The following EBLN2 variants were observed in gnomAD, a reference collection of about 807,000 sequenced individuals.
The protein encoded by EBLN2 is endogenous Bornavirus like nucleoprotein 2, also known as endogenous Bornavirus-like nucleoprotein 2.
For missense variants in EBLN2, 397 were observed against 324.2 expected, an observed-to-expected ratio of 1.22 and a Z score of -1.72; for synonymous variants, 131 against 113.6, an observed-to-expected ratio of 1.15 and a Z score of -0.97.
Position 73,061,750 on chromosome 3 carries a change from C to G in EBLN2, c.-332C>G, listed in dbSNP as rs2231920. 1.4e-3 allele frequency: 339 copies of G among 238,778 alleles called. 1 individual carries two copies. Among genetic ancestry groups the G allele is most frequent in the African/African-American group, 7.7e-3 (327 of 42,568 alleles). The allele number at this position is 238,778 out of a possible 1,614,324, so 14.8% of individuals were successfully genotyped here. A position where few individuals can be genotyped will look rare whatever the true frequency, so the allele number is the denominator to read the frequency against. ...TTCATAGACTACTCTGTTACCCAGG[C>G]TGGAGTGCGGTGATGAGTGATCATA... is the stretch of plus-strand genomic sequence containing the variant. On this transcript the variant is annotated 5_prime_UTR_variant, in exon 1 of 1. Coordinates refer to ENST00000533473, the MANE Select transcript of EBLN2 (RefSeq NM_018029.4).
rs1702871002 is a variant in EBLN2 at position 73,062,051 on chromosome 3, G to C, written c.-31G>C. 2 of 1,457,934 alleles carry C rather than the reference G, an allele frequency of 1.4e-6. No homozygotes were observed. The highest frequency in any genetic ancestry group is 1.8e-6 in the Non-Finnish European group (2 of 1,092,606). 90.3% of individuals were successfully genotyped at this position (1,457,934 alleles called of 1,614,324 possible). On this transcript the variant is annotated 5_prime_UTR_variant, in exon 1 of 1. Coordinates refer to ENST00000533473, the MANE Select transcript of EBLN2 (RefSeq NM_018029.4). ...TGAGGTATTTTGGAAAAATGGTAAA[G>C]AAGTGCAGAGTCAAGTCATAGCGAC... is the stretch of plus-strand genomic sequence containing the variant.
rs1367711613 is a variant in EBLN2 at position 73,063,032 on chromosome 3, T to C, written c.*132T>C. The C allele has an allele frequency of 1.7e-5, 15 of 869,532 alleles. No homozygotes were observed. Among genetic ancestry groups the C allele is most frequent in the East Asian group, 2.5e-5 (1 of 39,294 alleles). 53.9% of individuals were successfully genotyped at this position (869,532 alleles called of 1,614,324 possible). A position where few individuals can be genotyped will look rare whatever the true frequency, so the allele number is the denominator to read the frequency against. ...TCTTTGAGGAGAAAAAAAACAATGG[T>C]TAAAAAGGCATTGGGGAAATATTTT... On this transcript the variant is annotated 3_prime_UTR_variant, in exon 1 of 1. Transcript: ENST00000533473.
At position 73,062,400 on chromosome 3, in the gene EBLN2, G is replaced by T. The variant is rs752941850; in HGVS notation, c.319G>T (p.Ala107Ser). ...GGATATTAAGGACATTAAAAAAGCA[G>T]CCAAGTCTATGCTAGACCCAGCACA... ...IGDIKDIKKA[A>S]KSMLDPAHKS... The change falls in exon 1 of 1, where the codon GCC becomes TCC. Residue 107 changes from alanine (A) to serine (S), a missense_variant. Physicochemically the swap from Ala to Ser is moderately conservative, Grantham distance 99. Coordinates refer to ENST00000533473, the MANE Select transcript of EBLN2 (RefSeq NM_018029.4). 1.3e-5 allele frequency: 21 copies of T among 1,607,772 alleles called. No individual in the cohort carries two copies. Among genetic ancestry groups the T allele is most frequent in the Non-Finnish European group, 1.4e-5 (17 of 1,178,256 alleles).
chr3:73,062,465 C>T lies in EBLN2; in HGVS notation c.384C>T (p.Phe128=). The T allele has an allele frequency of 6.2e-7, 1 of 1,612,790 alleles. No homozygotes were observed. The part of the protein sequence containing the change: ...HFHPVTPSLV[F]LCFIFDGLHQ... ...ACCCTGTGACCCCAAGTTTAGTATT[C>T]TTGTGTTTCATATTTGATGGGTTAC... is the stretch of plus-strand genomic sequence containing the variant. Residue 128 remains phenylalanine (F), a synonymous_variant, in exon 1 of 1, where the codon TTC becomes TTT. Transcript: ENST00000533473.
At position 73,062,303 on chromosome 3, in the gene EBLN2, A is replaced by C; in HGVS notation, c.222A>C (p.Gln74His). Residue 74 changes from glutamine to histidine, a missense_variant, in exon 1 of 1, where the codon CAA becomes CAC. Coordinates refer to ENST00000533473, the MANE Select transcript of EBLN2 (RefSeq NM_018029.4). ...ACAGGAGTGGGCTCCCTGACCTTCAAGGAAGATTTGAGCTATCTGGGAAAA... is the reference window on the plus strand; with the variant it reads ...ACAGGAGTGGGCTCCCTGACCTTCACGGAAGATTTGAGCTATCTGGGAAAA... ...AMDRSGLPDL[Q>H]GRFELSGKNR... The C allele has an allele frequency of 6.2e-7, 1 of 1,607,604 alleles. No individual in the cohort carries two copies. The highest frequency in any genetic ancestry group is 1.3e-5 in the African/African-American group (1 of 74,534).
chr3:73,061,773 A>G lies in EBLN2; in HGVS notation c.-309A>G, dbSNP rs1238601858. The G allele has an allele frequency of 6.7e-6, 2 of 299,912 alleles. No individual in the cohort carries two copies. The highest frequency in any genetic ancestry group is 1.2e-5 in the Non-Finnish European group (2 of 160,958). The allele number at this position is 299,912 out of a possible 1,614,324, so 18.6% of individuals were successfully genotyped here. A position where few individuals can be genotyped will look rare whatever the true frequency, so the allele number is the denominator to read the frequency against. ...GGCTGGAGTGCGGTGATGAGTGATC[A>G]TAGCTCACTGCAGCCTTAAACTCTA... On this transcript the variant is annotated 5_prime_UTR_variant, in exon 1 of 1. Transcript: ENST00000533473.
In EBLN2 at chr3:73,062,262, G is replaced by A. The variant is rs1209003859; in HGVS notation, c.181G>A (p.Gly61Arg). 1 of 1,602,634 alleles carries A rather than the reference G, an allele frequency of 6.2e-7. No individual in the cohort carries two copies. The highest frequency in any genetic ancestry group is 2.2e-5 in the East Asian group (1 of 44,780). ...AAAGGACTCACAGCCCAGCAGCCCA[G>A]GAGATGACGCAATGGACAGGAGTGG... ...LRKDSQPSSP[G>R]DDAMDRSGLP... Residue 61 changes from glycine to arginine, a missense_variant, in exon 1 of 1, where the codon GGA becomes AGA. Transcript: ENST00000533473.
Position 73,062,723 on chromosome 3 carries a change from A to G in EBLN2, c.642A>G (p.Ala214=). 6.2e-7 allele frequency: 1 copy of G among 1,614,028 alleles called. No homozygotes were observed. The change falls in exon 1 of 1, where the codon GCA becomes GCG. Residue 214 remains alanine, a synonymous_variant. Coordinates refer to ENST00000533473, the MANE Select transcript of EBLN2 (RefSeq NM_018029.4). ...TCCAAGTTCAGAGACGATTCAAGGCAATGATGGCATCTATTGGAAGACTTT... is the reference window on the plus strand; with the variant it reads ...TCCAAGTTCAGAGACGATTCAAGGCGATGATGGCATCTATTGGAAGACTTT... ...SSLQVQRRFK[A]MMASIGRLSH...
chr3:73,062,414 A>G lies in EBLN2; in HGVS notation c.333A>G (p.Leu111=), dbSNP rs756136152. ...KDIKKAAKSM[L]DPAHKSHFHP... ...TTAAAAAAGCAGCCAAGTCTATGCTAGACCCAGCACATAAATCTCATTTCC... is the reference window on the plus strand; with the variant it reads ...TTAAAAAAGCAGCCAAGTCTATGCTGGACCCAGCACATAAATCTCATTTCC... The change falls in exon 1 of 1, where the codon CTA becomes CTG. Residue 111 remains leucine (L), a synonymous_variant. Transcript: ENST00000533473. 1.2e-6 allele frequency: 2 copies of G among 1,611,290 alleles called. No individual in the cohort carries two copies. The highest frequency in any genetic ancestry group is 1.7e-6 in the Non-Finnish European group (2 of 1,178,966).
chr3:73,062,350 C>G lies in EBLN2; in HGVS notation c.269C>G (p.Ala90Gly), dbSNP rs1218341569. Reference protein sequence around the residue: ...SGKNRQYPLDALEPQPSIGDI... With the variant: ...SGKNRQYPLDGLEPQPSIGDI... ...AAAAACAGACAGTATCCACTGGATG[C>G]ATTGGAACCCCAACCCAGCATTGGG... Residue 90 changes from alanine to glycine, a missense_variant, in exon 1 of 1, where the codon GCA becomes GGA. Transcript: ENST00000533473. 3 of 1,606,912 alleles carry G rather than the reference C, an allele frequency of 1.9e-6. No individual in the cohort carries two copies. The Admixed American group carries it at 5.2e-5, about 28-fold the overall frequency.
chr3:73,062,364 C>T lies in EBLN2; in HGVS notation c.283C>T (p.Pro95Ser). ...TCCACTGGATGCATTGGAACCCCAA[C>T]CCAGCATTGGGGATATTAAGGACAT... ...QYPLDALEPQPSIGDIKDIKK... is the reference protein window; with the variant it reads ...QYPLDALEPQSSIGDIKDIKK... Residue 95 changes from proline (P) to serine (S), a missense_variant, in exon 1 of 1, where the codon CCC becomes TCC. By Grantham distance (74) the Pro-to-Ser change is moderately conservative. Transcript: ENST00000533473. 6.2e-7 allele frequency: 1 copy of T among 1,606,658 alleles called. No individual in the cohort carries two copies. Among genetic ancestry groups the T allele is most frequent in the Non-Finnish European group, 8.5e-7 (1 of 1,178,044 alleles).
Position 73,062,468 on chromosome 3 carries a change from G to C in EBLN2, c.387G>C (p.Leu129Phe). The C allele has an allele frequency of 6.2e-7, 1 of 1,612,926 alleles. No homozygotes were observed. The highest frequency in any genetic ancestry group is 8.5e-7 in the Non-Finnish European group (1 of 1,179,418). ...CTGTGACCCCAAGTTTAGTATTCTT[G>C]TGTTTCATATTTGATGGGTTACACC... ...FHPVTPSLVF[L>F]CFIFDGLHQA... The change falls in exon 1 of 1, where the codon TTG (leucine) becomes TTC (phenylalanine). Residue 129 changes from leucine (L) to phenylalanine (F), a missense_variant. Transcript: ENST00000533473.
At position 73,062,029 on chromosome 3, in the gene EBLN2, G is replaced by C. The variant is rs1200130328; in HGVS notation, c.-53G>C. 18 of 1,301,630 alleles carry C rather than the reference G, an allele frequency of 1.4e-5. No individual in the cohort carries two copies. The highest frequency in any genetic ancestry group is 1.9e-5 in the Non-Finnish European group (18 of 957,664). 80.6% of individuals were successfully genotyped at this position (1,301,630 alleles called of 1,614,324 possible). ...TGTTTTGTTTTGCTCATGAACGTGA[G>C]GTATTTTGGAAAAATGGTAAAGAAG... On this transcript the variant is annotated 5_prime_UTR_variant, in exon 1 of 1. Coordinates refer to ENST00000533473, the MANE Select transcript of EBLN2 (RefSeq NM_018029.4).
Position 73,062,302 on chromosome 3 carries a change from A to T in EBLN2, c.221A>T (p.Gln74Leu). 1 of 1,607,650 alleles carries T rather than the reference A, an allele frequency of 6.2e-7. No individual in the cohort carries two copies. The highest frequency in any genetic ancestry group is 1.1e-5 in the South Asian group (1 of 89,696). Residue 74 changes from glutamine to leucine, a missense_variant, in exon 1 of 1, where the codon CAA becomes CTA. Transcript: ENST00000533473. ...GACAGGAGTGGGCTCCCTGACCTTC[A>T]AGGAAGATTTGAGCTATCTGGGAAA... ...AMDRSGLPDLQGRFELSGKNR... is the reference protein window; with the variant it reads ...AMDRSGLPDLLGRFELSGKNR...
In EBLN2 at chr3:73,062,895, A is replaced by C. The variant is rs748111324; in HGVS notation, c.814A>C (p.Ser272Arg). 104 of 1,611,160 alleles carry C rather than the reference A, an allele frequency of 6.5e-5. 1 individual carries two copies. In the South Asian group the frequency reaches 8.3e-4, roughly 13 times the overall value. The change falls in exon 1 of 1, where the codon AGT becomes CGT. Residue 272 changes from serine to arginine, a missense_variant. By Grantham distance (110) the Ser-to-Arg change is moderately radical (BLOSUM62 -1). Transcript: ENST00000533473. ...CCCTCTACACAAGCTACGCAAGTCAAGTTAGTTGCCAAGAAAGCACAGATG... is the reference window on the plus strand; with the variant it reads ...CCCTCTACACAAGCTACGCAAGTCACGTTAGTTGCCAAGAAAGCACAGATG... ...ESPLHKLRKS[S>R]
At position 73,062,250 on chromosome 3, in the gene EBLN2, C is replaced by G. The variant is rs202063792; in HGVS notation, c.169C>G (p.Pro57Ala). The change falls in exon 1 of 1, where the codon CCC becomes GCC. Residue 57 changes from proline to alanine, a missense_variant. Coordinates refer to ENST00000533473, the MANE Select transcript of EBLN2 (RefSeq NM_018029.4). ...TMSHLRKDSQ[P>A]SSPGDDAMDR... is the part of the protein sequence containing the mutation. ...GTCTCATCTAAGAAAGGACTCACAGCCCAGCAGCCCAGGAGATGACGCAAT... is the reference window on the plus strand; with the variant it reads ...GTCTCATCTAAGAAAGGACTCACAGGCCAGCAGCCCAGGAGATGACGCAAT... 1,935 of 1,599,130 alleles carry G rather than the reference C, an allele frequency of 1.2e-3. 1 individual carries two copies. The highest frequency in any genetic ancestry group is 1.5e-3 in the Non-Finnish European group (1,717 of 1,175,960).
chr3:73,062,509 T>C lies in EBLN2; in HGVS notation c.428T>C (p.Val143Ala), dbSNP rs1177122102. 6.2e-7 allele frequency: 1 copy of C among 1,613,722 alleles called. No individual in the cohort carries two copies. Among genetic ancestry groups the C allele is most frequent in the Non-Finnish European group, 8.5e-7 (1 of 1,179,818 alleles). The stretch of plus-strand genomic sequence containing the variant: ...GGGTTACACCAGGCATTACTGAGTG[T>C]TGGTGTGAGCAAGAGGTCTAATACT... Reference protein sequence around the residue: ...FDGLHQALLSVGVSKRSNTVV... With the variant: ...FDGLHQALLSAGVSKRSNTVV... Residue 143 changes from valine to alanine, a missense_variant, in exon 1 of 1, where the codon GTT becomes GCT. Transcript: ENST00000533473.
the EBLN2 span, chr3:73,062,324 GA>G: frequency 6.2e-7 from 1 of 1,603,914 alleles, no homozygotes; most frequent in African/African-American, 1.4e-5. Flanking sequence ...AGCTATCTGG[GA>G]AAAACAGACA....
chr3:73,062,574 G>A lies in EBLN2; in HGVS notation c.493G>A (p.Ala165Thr). The A allele has an allele frequency of 1.2e-6, 2 of 1,614,004 alleles. No homozygotes were observed. Among genetic ancestry groups the A allele is most frequent in the Non-Finnish European group, 1.7e-6 (2 of 1,179,886 alleles). Reference protein sequence around the residue: ...NENEERGTPYASRFKDMPNFI... With the variant: ...NENEERGTPYTSRFKDMPNFI... ...GAACGAGGAAAGGGGTACTCCTTAT[G>A]CTAGCAGATTCAAAGATATGCCTAA... is the stretch of plus-strand genomic sequence containing the variant. The change falls in exon 1 of 1, where the codon GCT becomes ACT. Residue 165 changes from alanine to threonine, a missense_variant. By Grantham distance (58) the Ala-to-Thr change is moderately conservative. Transcript: ENST00000533473.
Sources: gnomAD v4.1 joint callset for allele counts on GRCh38, gnomAD v4.1.1 for gene constraint, MANE v1.5 for transcripts, NCBI Gene and HGNC (gene_info 2026-07-23, HGNC 2026-07-21) for gene names.